MDGA2: variants seen among roughly 807,000 people sequenced by gnomAD.
MDGA2 encodes the protein MAM domain containing glycosylphosphatidylinositol anchor 2, also known as MAM domain-containing glycosylphosphatidylinositol anchor protein 2.
A neutral mutation model predicts 117.8 loss-of-function variants in MDGA2; 40 were observed. The observed-to-expected ratio is 0.34, with a 90% confidence interval of 0.26 to 0.44. The LOEUF (loss-of-function observed/expected upper bound fraction) is 0.44, where lower values mean the gene tolerates loss of function less well. Ranked by LOEUF, MDGA2 falls within the 20% of genes least tolerant of loss-of-function variation. The pLI is 1.00. For missense variants in MDGA2, 1,123 were observed against 1,250.6 expected, an observed-to-expected ratio of 0.90 and a Z score of 1.54; for synonymous variants, 452 against 439.0, an observed-to-expected ratio of 1.03 and a Z score of -0.37.
At chr14:46,909,293 T>C (rs934906029) in intron 10 of MDGA2, among the ~76,000 whole-genome samples, 3 of 152,204 alleles carry the variant, frequency 2.0e-5, no homozygotes, top group Admixed American at 2.0e-4. Context: ...CAATCAAATA[T>C]TGCTGTTCAG....
intron 14 of MDGA2, among the ~76,000 whole-genome samples, chr14:46,868,160 TA>T (rs1196731178): frequency 6.6e-6 from 1 of 151,930 alleles, no homozygotes; most frequent in Non-Finnish European, 1.5e-5. Context: ...GTCAGTGTGA[TA>T]AACATTATGA....
At chr14:47,175,434 C>G (rs1884394692) in intron 3 of MDGA2, among the ~76,000 whole-genome samples, 1 of 149,274 alleles carries the variant, frequency 6.7e-6, no homozygotes, top group South Asian at 2.1e-4. Context: ...AGCAGCACAT[C>G]AAAAAGCTTA....
At chr14:47,341,181 A>G (rs1890611411) in intron 1 of MDGA2, among the ~76,000 whole-genome samples, 1 of 152,208 alleles carries the variant, frequency 6.6e-6, no homozygotes, top group South Asian at 2.1e-4. Context: ...CTTTTAAGGA[A>G]GATTGCAGTT....
At chr14:47,308,664 T>TAA (rs370528618) in intron 1 of MDGA2, among the ~76,000 whole-genome samples, 27 of 145,548 alleles carry the variant, frequency 1.9e-4, no homozygotes, top group South Asian at 4.3e-4. Context: ...TGTGTCCCAT[T>TAA]AAAAAAAAAA....
intron 6 of MDGA2, among the ~76,000 whole-genome samples, chr14:47,067,450 G>A (rs1026153397): frequency 3.3e-5 from 5 of 152,148 alleles, no homozygotes; most frequent in Non-Finnish European, 5.9e-5. Flanking sequence ...TGACTCTCTA[G>A]TGAAAATAAT....
rs1272528642 is a variant in MDGA2, at chr14:47,352,654, T to G, written c.281-51104A>C. Among the ~76,000 whole-genome samples, 6 of 152,320 alleles carry G rather than the reference T, an allele frequency of 3.9e-5. No homozygotes were observed. In the South Asian group the frequency reaches 1.2e-3, roughly 32 times the overall value. The stretch of plus-strand genomic sequence containing the variant: ...AACATGGCATAATATTTGCAAAAGG[T>G]TTTTGTAAATCATAAGTTACTAAAC... On this transcript the variant is annotated intron_variant, in intron 1 of 16. Transcript: ENST00000399232.
intron 1 of MDGA2, among the ~76,000 whole-genome samples, chr14:47,401,094 G>A (rs2138461940): frequency 6.6e-6 from 1 of 151,188 alleles, no homozygotes; most frequent in Non-Finnish European, 1.5e-5. Flanking sequence ...GTACTGTTCT[G>A]GGTGCTTCAT....
chr14:46,867,148 TC>T (rs1382415677), intron 14 of MDGA2, among the ~76,000 whole-genome samples: 1 of 152,116 alleles, frequency 6.6e-6, no homozygotes, highest in Admixed American at 6.6e-5. Flanking sequence ...AACCCAAATG[TC>T]CAACAATGAT....
At chr14:46,901,188 T>TG (rs1364957428) in intron 10 of MDGA2, among the ~76,000 whole-genome samples, 1 of 37,616 alleles carries the variant, frequency 2.7e-5, no homozygotes, top group African/African-American at 1.1e-4. Context: ...TGTTGTGGGG[T>TG]GGGGGGAGGG....
At chr14:47,051,198 A>G (rs1459260499) in intron 7 of MDGA2, among the ~76,000 whole-genome samples, 1 of 152,012 alleles carries the variant, frequency 6.6e-6, no homozygotes, top group South Asian at 2.1e-4. Context: ...CACAGTATAT[A>G]TGCTTCTGGG....
chr14:47,612,393 A>G (rs1594943514), intron 1 of MDGA2, among the ~76,000 whole-genome samples: 1 of 152,192 alleles, frequency 6.6e-6, no homozygotes. Flanking sequence ...AATCTAAAAT[A>G]ATAAGTTGTT....
At chr14:47,653,093 C>G (rs1038122452) in intron 1 of MDGA2, among the ~76,000 whole-genome samples, 3 of 151,956 alleles carry the variant, frequency 2.0e-5, no homozygotes, top group Non-Finnish European at 4.4e-5. Flanking sequence ...CCTCAATATC[C>G]CATAAGAATC....
chr14:46,950,404 A>G (rs1885329497), intron 9 of MDGA2, among the ~76,000 whole-genome samples: 1 of 152,062 alleles, frequency 6.6e-6, no homozygotes, highest in African/African-American at 2.4e-5. Context: ...CTGCACATGT[A>G]GTAGGGTTGT....
chr14:47,365,527 A>G (rs1891213723), intron 1 of MDGA2, among the ~76,000 whole-genome samples: 2 of 152,276 alleles, frequency 1.3e-5, no homozygotes, highest in African/African-American at 4.8e-5. Flanking sequence ...ACAGAAACCT[A>G]GGAAAGGCCT....
intron 4 of MDGA2, among the ~76,000 whole-genome samples, chr14:47,138,928 C>T (rs1299268773): frequency 6.6e-6 from 1 of 151,866 alleles, no homozygotes; most frequent in African/African-American, 2.4e-5. Flanking sequence ...GGAACACAGA[C>T]CAATTTTTTT....
intron 1 of MDGA2, among the ~76,000 whole-genome samples, chr14:47,453,450 T>C (rs575461403): frequency 6.6e-6 from 1 of 152,166 alleles, no homozygotes; most frequent in Non-Finnish European, 1.5e-5. Context: ...TGGGAGTGAT[T>C]TGTTACTCAG....
intron 1 of MDGA2, among the ~76,000 whole-genome samples, chr14:47,608,683 T>C (rs556232737): frequency 1.3e-5 from 2 of 152,096 alleles, no homozygotes; most frequent in Non-Finnish European, 2.9e-5. Flanking sequence ...AAGGAGTCAC[T>C]GGAAAGTTCT....
intron 11 of MDGA2, among the ~76,000 whole-genome samples, chr14:46,878,071 T>C (rs527320946): frequency 6.6e-6 from 1 of 152,054 alleles, no homozygotes; most frequent in South Asian, 2.1e-4. Context: ...AATATACACA[T>C]ACATATACAC....
intron 1 of MDGA2, among the ~76,000 whole-genome samples, chr14:47,384,877 A>T (rs1485982926): frequency 6.6e-6 from 1 of 152,234 alleles, no homozygotes; most frequent in Non-Finnish European, 1.5e-5. Flanking sequence ...ACCAGAGAAT[A>T]CAAAGATAGC....
Sources: gnomAD v4.1 joint callset for allele counts (sites outside exome capture counted in the v4.1 genomes callset) on GRCh38, gnomAD v4.1.1 for gene constraint, MANE v1.5 for transcripts, NCBI Gene and HGNC (gene_info 2026-07-23, HGNC 2026-07-21) for gene names.